The following FOXP2 variants were observed in gnomAD, a reference collection of about 807,000 sequenced individuals.
FOXP2 encodes forkhead box P2, also known as forkhead box protein P2.
Under a neutral mutation model 115.8 loss-of-function variants are expected in FOXP2, and 12 were observed. The ratio of observed to expected loss-of-function variants is 0.10; its 90% CI spans 0.07 to 0.17. The LOEUF (loss-of-function observed/expected upper bound fraction) is 0.17, where lower values mean the gene tolerates loss of function less well. Ranked by LOEUF, FOXP2 falls within the 10% of genes least tolerant of loss-of-function variation. The probability of loss-of-function intolerance (pLI) is 1.00; values close to 1 mark genes in which losing one functional copy is unlikely to be tolerated. For synonymous variants in FOXP2, 328 were observed against 297.7 expected (o/e 1.10, Z -1.05); for missense variants, 629 against 843.5 (o/e 0.75, Z 3.15).
intron 1 of FOXP2, among the ~76,000 whole-genome samples, chr7:114,176,434 G>T (rs1027085513): frequency 6.6e-6 from 1 of 151,388 alleles, no homozygotes; most frequent in African/African-American, 2.4e-5. Context: ...AACCTCCCAG[G>T]TTCAGGCAAT....
chr7:114,126,350 G>C lies in FOXP2; in HGVS notation c.-246-36594G>C, dbSNP rs149149400. Among the ~76,000 whole-genome samples the C allele has an allele frequency of 9.7e-4, 148 of 152,158 alleles. 4 individuals carry two copies. The East Asian group carries it at 0.027, about 27-fold the overall frequency. ...CATATGTATGTGTCAGTATGTATGT[G>C]TGTGTATGTGTCAATGTATAGTTAC... On this transcript the variant is annotated intron_variant, in intron 1 of 19. Coordinates refer to the FOXP2 transcript ENST00000635638.
chr7:114,206,002 G>A (rs1043537529), intron 1 of FOXP2, among the ~76,000 whole-genome samples: 1 of 152,102 alleles, frequency 6.6e-6, no homozygotes, highest in Admixed American at 6.6e-5. Context: ...GGCCAAGGTG[G>A]GTGGATCGCT....
intron 2 of FOXP2, among the ~76,000 whole-genome samples, chr7:114,294,114 G>C (rs1279298687): frequency 6.6e-6 from 1 of 152,146 alleles, no homozygotes; most frequent in Non-Finnish European, 1.5e-5. Flanking sequence ...TAGCCAAATG[G>C]AAAGAAAATG....
chr7:114,688,236 CACACACACACA>C (rs1453753551), intron 16 of FOXP2, among the ~76,000 whole-genome samples: 2 of 78,964 alleles, frequency 2.5e-5, no homozygotes, highest in South Asian at 4.3e-4. Flanking sequence ...CACACACACA[CACACACACACA>C]TCTTTTTTTT....
chr7:114,132,662 A>C (rs1231931349), intron 1 of FOXP2, among the ~76,000 whole-genome samples: 1 of 150,104 alleles, frequency 6.7e-6, no homozygotes, highest in African/African-American at 2.5e-5. Flanking sequence ...GGAAGCCCTC[A>C]CTGAAAAGGT....
At chr7:114,533,642 C>T (rs1480968826) in intron 2 of FOXP2, among the ~76,000 whole-genome samples, 2 of 151,614 alleles carry the variant, frequency 1.3e-5, no homozygotes, top group African/African-American at 4.8e-5. Flanking sequence ...CATATTAGGC[C>T]AATGATTTAG....
chr7:114,628,460 T>A, intron 3 of FOXP2, 80 bp from the exon 4 acceptor site: 1 of 1,563,036 alleles, frequency 6.4e-7, no homozygotes, highest in Non-Finnish European at 8.8e-7. Context: ...TTATAAAAGA[T>A]AACATACTAT....
chr7:114,608,505 G>A (rs1584947126), intron 3 of FOXP2, among the ~76,000 whole-genome samples: 1 of 152,202 alleles, frequency 6.6e-6, no homozygotes, highest in South Asian at 2.1e-4. Flanking sequence ...GATCACAGTA[G>A]TCACATCTCA....
At chr7:114,233,737 G>T (rs1247891903) in intron 1 of FOXP2, among the ~76,000 whole-genome samples, 1 of 152,218 alleles carries the variant, frequency 6.6e-6, no homozygotes, top group Non-Finnish European at 1.5e-5. Context: ...CAGTGGCTGG[G>T]CATGGTGGCT....
intron 2 of FOXP2, among the ~76,000 whole-genome samples, chr7:114,508,302 C>T (rs1797920117): frequency 6.6e-6 from 1 of 151,932 alleles, no homozygotes. Flanking sequence ...AAAGCTTTCC[C>T]TGGCAGAGGG....
At chr7:114,248,026 C>T (rs551015374) in intron 1 of FOXP2, among the ~76,000 whole-genome samples, 8 of 152,004 alleles carry the variant, frequency 5.3e-5, no homozygotes, top group African/African-American at 1.2e-4. Context: ...ATAATATGGA[C>T]GCTAAAACAT....
rs561061034 is a variant in FOXP2 at position 114,166,106 on chromosome 7, C to T, written c.-102+3018C>T. On this transcript the variant is annotated intron_variant, in intron 1 of 17. Transcript: ENST00000634411. ...ACCTTATACCTTTCATAAAAGTGAACTCAAAATGGATCACAAAGCTAAATA... is the reference window on the plus strand; with the variant it reads ...ACCTTATACCTTTCATAAAAGTGAATTCAAAATGGATCACAAAGCTAAATA... 1.7e-3 allele frequency among the ~76,000 whole-genome samples: 261 copies of T among 152,174 alleles called. 1 individual carries two copies. The highest frequency in any genetic ancestry group is 3.4e-3 in the Middle Eastern group (1 of 294).
chr7:114,482,805 A>T (rs1177674245), intron 2 of FOXP2, among the ~76,000 whole-genome samples: 1 of 151,692 alleles, frequency 6.6e-6, no homozygotes, highest in Non-Finnish European at 1.5e-5. Context: ...TGTCTAATCA[A>T]TATGTACTAA....
At chr7:114,272,312 T>G (rs1796084539) in intron 1 of FOXP2, among the ~76,000 whole-genome samples, 3 of 151,520 alleles carry the variant, frequency 2.0e-5, no homozygotes. Flanking sequence ...TTTTGCAATT[T>G]GTGTTCCTGA....
intron 3 of FOXP2, among the ~76,000 whole-genome samples, chr7:114,588,894 A>G (rs929160419): frequency 9.2e-5 from 14 of 152,192 alleles, no homozygotes; most frequent in Non-Finnish European, 1.9e-4. Flanking sequence ...TCAACTATAG[A>G]TAGAATATGG....
At chr7:114,155,180 C>T (rs941410874) in intron 1 of FOXP2, among the ~76,000 whole-genome samples, 12 of 151,986 alleles carry the variant, frequency 7.9e-5, no homozygotes, top group African/African-American at 2.9e-4. Flanking sequence ...TATAAGACCC[C>T]CAACTGACTG....
chr7:114,557,907 T>C (rs1050613268), intron 3 of FOXP2, among the ~76,000 whole-genome samples: 16 of 151,994 alleles, frequency 1.1e-4, no homozygotes, highest in Admixed American at 9.8e-4. Context: ...CCTCCCGGGT[T>C]CAAGCAGTTC....
At chr7:114,157,080 CAT>C (rs1413043190) in intron 1 of FOXP2, among the ~76,000 whole-genome samples, 1 of 152,106 alleles carries the variant, frequency 6.6e-6, no homozygotes, top group Non-Finnish European at 1.5e-5. Context: ...AAGGACTTAA[CAT>C]AACTGTCTTT....
chr7:114,267,102 T>G (rs1795913498), intron 1 of FOXP2, among the ~76,000 whole-genome samples: 1 of 152,126 alleles, frequency 6.6e-6, no homozygotes, highest in Non-Finnish European at 1.5e-5. Context: ...AAAATGAAAA[T>G]TCTGCATGCG....
Sources: gnomAD v4.1 joint callset for allele counts (sites outside exome capture counted in the v4.1 genomes callset) on GRCh38, gnomAD v4.1.1 for gene constraint, MANE v1.5 for transcripts, NCBI Gene and HGNC (gene_info 2026-07-23, HGNC 2026-07-21) for gene names.